The following RADIL variants were observed in gnomAD, a reference collection of about 807,000 sequenced individuals.
The protein encoded by RADIL is ras-associating and dilute domain-containing protein.
Under a neutral mutation model 97.6 loss-of-function variants are expected in RADIL, and 99 were observed. The observed-to-expected ratio is 1.01, with a 90% confidence interval of 0.86 to 1.20. The LOEUF (loss-of-function observed/expected upper bound fraction) is 1.20, where lower values mean the gene tolerates loss of function less well. Among genes scored for constraint, RADIL ranks in the 50% most tolerant of loss-of-function variants. RADIL has a pLI of 0.00. For missense variants in RADIL, 1,765 were observed against 1,498.9 expected (o/e 1.18, Z -2.93); for synonymous variants, 803 against 691.8 (o/e 1.16, Z -2.52).
At position 4,822,364 on chromosome 7, in the gene RADIL, G is replaced by A. The variant is rs199577610; in HGVS notation, c.1615+30C>T. On this transcript the variant is annotated intron_variant, in intron 6 of 14. Coordinates refer to ENST00000399583, the MANE Select transcript of RADIL (RefSeq NM_018059.5). The surrounding 1 kb of genome is among the most constrained non-coding windows in gnomAD (Gnocchi z 5.3). ...ACACTCCCCTGCCTGGGGTGCTGGC[G>A]GGGGGAATGGAGGGCAGCGCCAGCC... 500 of 1,588,974 alleles carry A rather than the reference G, an allele frequency of 3.1e-4. 2 individuals carry two copies. The African/African-American group carries it at 5.6e-3, about 18-fold the overall frequency.
At position 4,862,327 on chromosome 7, in the gene RADIL, G is replaced by C. The variant is rs78637523; in HGVS notation, c.535+15278C>G. 7.7e-3 allele frequency among the ~76,000 whole-genome samples: 1,178 copies of C among 152,340 alleles called. 15 individuals are homozygous for C. The highest frequency in any genetic ancestry group is 0.027 in the African/African-American group (1,134 of 41,570). ...AGCGTGCACCCTTTGGAAGTCCAAA[G>C]ACCCCTTCGTGGTGGGAACCCGCGG... On this transcript the variant is annotated intron_variant, in intron 2 of 14. Coordinates refer to ENST00000399583, the MANE Select transcript of RADIL (RefSeq NM_018059.5).
Position 4,816,235 on chromosome 7 carries a change from G to T in RADIL, c.1959C>A (p.Leu653=). 1.2e-6 allele frequency: 2 copies of T among 1,609,634 alleles called. No homozygotes were observed. Among genetic ancestry groups the T allele is most frequent in the South Asian group, 2.2e-5 (2 of 90,954 alleles). Residue 653 remains leucine, a synonymous_variant, in exon 8 of 15, where the codon CTC becomes CTA. Transcript: ENST00000399583. ...CCTGCACGAGGCCCTCACCCCTGTC[G>T]AGGAGCTGGTTGAGAAGCAGTGTCC... The part of the protein sequence containing the change: ...FSGTLLLNQL[L]DRGPSLSCFH...
At chr7:4,812,506 C>G (rs775379568) in intron 9 of RADIL, among the ~76,000 whole-genome samples, 1 of 152,060 alleles carries the variant, frequency 6.6e-6, no homozygotes, top group Non-Finnish European at 1.5e-5. Context: ...ACTGCAGCCT[C>G]TGCCCCCCAG....
At chr7:4,811,176 T>C (rs541144030) in intron 9 of RADIL, 1 of 152,286 alleles carries the variant, frequency 6.6e-6, no homozygotes, top group South Asian at 2.1e-4. Context: ...GGTTTGTTTT[T>C]GCTTTTGTTT....
At chr7:4,874,250 A>G (rs1562460112) in intron 2 of RADIL, among the ~76,000 whole-genome samples, 1 of 152,224 alleles carries the variant, frequency 6.6e-6, no homozygotes, top group East Asian at 1.9e-4. Context: ...GTGTCACCAC[A>G]ACAACCGAAC....
rs1348081328 is a variant in RADIL at position 4,878,800 on chromosome 7, C to T, written c.-64-597G>A. ...GTGCAGTGAGCATCAAGGAGCGCCCCACCCGGAGCCGGCCCCAGCACCATC... is the reference window on the plus strand; with the variant it reads ...GTGCAGTGAGCATCAAGGAGCGCCCTACCCGGAGCCGGCCCCAGCACCATC... On this transcript the variant is annotated intron_variant, in intron 1 of 14. Transcript: ENST00000399583. This position sits in a 1 kb window ranked among gnomAD's most constrained non-coding sequence, Gnocchi z 4.1. 6.6e-6 allele frequency among the ~76,000 whole-genome samples: 1 copy of T among 152,246 alleles called. No homozygotes were observed. The highest frequency in any genetic ancestry group is 2.4e-5 in the African/African-American group (1 of 41,464).
intron 4 of RADIL, among the ~76,000 whole-genome samples, chr7:4,833,340 G>A (rs1033071939): frequency 6.6e-6 from 1 of 152,220 alleles, no homozygotes; most frequent in Non-Finnish European, 1.5e-5. Flanking sequence ...GAAAACCCAT[G>A]ACTTCTGGCC....
chr7:4,874,919 G>A (rs1373505011), intron 2 of RADIL, among the ~76,000 whole-genome samples: 6 of 152,100 alleles, frequency 3.9e-5, no homozygotes, highest in Non-Finnish European at 8.8e-5. Context: ...TTGGCCGGGC[G>A]CGGTGGCTCA....
At chr7:4,863,276 GT>G (rs550115081) in intron 2 of RADIL, among the ~76,000 whole-genome samples, 427 of 152,210 alleles carry the variant, frequency 2.8e-3, no homozygotes, top group Non-Finnish European at 3.6e-3. Flanking sequence ...GTTCTTTCAT[GT>G]TTTTCCCCCT....
chr7:4,809,674 T>C, intron 9 of RADIL: 1 of 819,070 alleles, frequency 1.2e-6, no homozygotes, highest in Non-Finnish European at 1.4e-6. Context: ...TATTTATTTA[T>C]TTTATTTTAT....
rs1227954619 is a variant in RADIL, at chr7:4,813,350, C to T, written c.2139+1928G>A. Reference sequence around the variant, plus strand: ...GTCCTGGACTCGTCATCTCTGTCTCCTCTACACTGTGAAGGCACCACAGAT... The same window carrying T: ...GTCCTGGACTCGTCATCTCTGTCTCTTCTACACTGTGAAGGCACCACAGAT... On this transcript the variant is annotated intron_variant, in intron 9 of 14. Transcript: ENST00000399583. The surrounding 1 kb of genome is among the most constrained non-coding windows in gnomAD (Gnocchi z 5.0). Among the ~76,000 whole-genome samples, 1 of 152,170 alleles carries T rather than the reference C, an allele frequency of 6.6e-6. No homozygotes were observed. Among genetic ancestry groups the T allele is most frequent in the Non-Finnish European group, 1.5e-5 (1 of 68,042 alleles).
At chr7:4,804,081 G>A (rs1583260078) in intron 10 of RADIL, 1 of 374,398 alleles carries the variant, frequency 2.7e-6, no homozygotes, top group Non-Finnish European at 5.2e-6. Context: ...GGTGTCTCCG[G>A]GTAACTGGAG....
intron 2 of RADIL, among the ~76,000 whole-genome samples, chr7:4,839,920 T>A (rs1192285201): frequency 6.6e-6 from 1 of 152,264 alleles, no homozygotes; most frequent in African/African-American, 2.4e-5. Flanking sequence ...CTAATTTTTT[T>A]ATCTTTAGAT....
Position 4,814,977 on chromosome 7 carries a change from A to T in RADIL, c.2139+301T>A, listed in dbSNP as rs1583275416. Among the ~76,000 whole-genome samples, 4 of 152,196 alleles carry T rather than the reference A, an allele frequency of 2.6e-5. No homozygotes were observed. The South Asian group carries it at 8.3e-4, about 32-fold the overall frequency. ...ACTGGGCCACCCGGATACCCAGGTC[A>T]TCTCCGAATCTCAAGGTCCTTAATC... On this transcript the variant is annotated intron_variant, in intron 9 of 14. Transcript: ENST00000399583. The surrounding 1 kb of genome is among the most constrained non-coding windows in gnomAD (Gnocchi z 4.5).
At chr7:4,875,885 A>G (rs1459234903) in intron 2 of RADIL, among the ~76,000 whole-genome samples, 1 of 152,116 alleles carries the variant, frequency 6.6e-6, no homozygotes, top group Non-Finnish European at 1.5e-5. Context: ...ATGAAAACCA[A>G]ATCCCAGAAG....
Position 4,817,146 on chromosome 7 carries a change from C to A in RADIL, c.1728+93G>T, listed in dbSNP as rs1012300486. 7.9e-6 allele frequency: 9 copies of A among 1,137,100 alleles called. No individual in the cohort carries two copies. Among genetic ancestry groups the A allele is most frequent in the Non-Finnish European group, 1.0e-5 (8 of 786,098 alleles). The allele number at this position is 1,137,100 out of a possible 1,614,324, so 70.4% of individuals were successfully genotyped here. A position where few individuals can be genotyped will look rare whatever the true frequency, so the allele number is the denominator to read the frequency against. On this transcript the variant is annotated intron_variant, in intron 7 of 14. Coordinates refer to ENST00000399583, the MANE Select transcript of RADIL (RefSeq NM_018059.5). This position sits in a 1 kb window ranked among gnomAD's most constrained non-coding sequence, Gnocchi z 8.3. Reference sequence around the variant, plus strand: ...GTCACGGTCCCCTCCCTCAGCCCCCCAGAAGGCTCCTTAGGAGAGCCACAG... The same window carrying A: ...GTCACGGTCCCCTCCCTCAGCCCCCAAGAAGGCTCCTTAGGAGAGCCACAG...
chr7:4,806,366 T>C (rs574135923), intron 9 of RADIL, among the ~76,000 whole-genome samples: 6 of 152,240 alleles, frequency 3.9e-5, no homozygotes, highest in African/African-American at 1.4e-4. Context: ...TCTCACTATG[T>C]TGGTCTCAAA....
intron 2 of RADIL, among the ~76,000 whole-genome samples, chr7:4,874,930 C>T (rs369503400): frequency 2.6e-5 from 4 of 151,984 alleles, no homozygotes; most frequent in South Asian, 2.1e-4. Flanking sequence ...CGGTGGCTCA[C>T]GCCTGTAATC....
intron 2 of RADIL, among the ~76,000 whole-genome samples, chr7:4,839,554 T>C (rs530178781): frequency 6.6e-6 from 1 of 152,274 alleles, no homozygotes; most frequent in South Asian, 2.1e-4. Context: ...TTTAGTATAG[T>C]GCCAGTATGT....
Sources: gnomAD v4.1 joint callset for allele counts (sites outside exome capture counted in the v4.1 genomes callset) on GRCh38, gnomAD v4.1.1 for gene constraint, Gnocchi (gnomAD v3.1) non-coding constraint, MANE v1.5 for transcripts, NCBI Gene and HGNC (gene_info 2026-07-23, HGNC 2026-07-21) for gene names.